CNTNAP5: variants seen among roughly 807,000 people sequenced by gnomAD.
CNTNAP5 encodes the protein contactin-associated protein-like 5.
Under a neutral mutation model 150.2 loss-of-function variants are expected in CNTNAP5, and 72 were observed. The ratio of observed to expected loss-of-function variants is 0.48; its 90% CI spans 0.40 to 0.58. The LOEUF is 0.58. Among genes scored for constraint, CNTNAP5 ranks in the 20% least tolerant of loss-of-function variants. The pLI is 0.00. For missense variants in CNTNAP5, 1,636 were observed against 1,626.2 expected, an observed-to-expected ratio of 1.01 and a Z score of -0.10; for synonymous variants, 672 against 619.8, an observed-to-expected ratio of 1.08 and a Z score of -1.25.
intron 19 of CNTNAP5, among the ~76,000 whole-genome samples, chr2:124,841,823 A>C (rs186497472): frequency 1.3e-5 from 2 of 152,274 alleles, no homozygotes; most frequent in Non-Finnish European, 1.5e-5. Flanking sequence ...TAATGTGAGC[A>C]TGAGCTCCTT....
intron 1 of CNTNAP5, among the ~76,000 whole-genome samples, chr2:124,145,841 A>G (rs4313981): frequency 2.2e-5 from 2 of 91,524 alleles, no homozygotes; most frequent in African/African-American, 3.9e-5. Flanking sequence ...AGAAAAAAAA[A>G]AAAAATAAAA....
intron 1 of CNTNAP5, among the ~76,000 whole-genome samples, chr2:124,175,387 T>C (rs1407941151): frequency 2.0e-5 from 3 of 152,236 alleles, no homozygotes; most frequent in Non-Finnish European, 2.9e-5. Flanking sequence ...ACTCTTTTAT[T>C]CCTTATAATT....
intron 1 of CNTNAP5, among the ~76,000 whole-genome samples, chr2:124,207,979 C>T: frequency 6.6e-6 from 1 of 152,128 alleles, no homozygotes; most frequent in East Asian, 1.9e-4. Context: ...GCTTAAGAAT[C>T]ACAATTGTAA....
chr2:124,811,036 T>A (rs922457772), intron 19 of CNTNAP5, among the ~76,000 whole-genome samples: 10 of 151,748 alleles, frequency 6.6e-5, no homozygotes, highest in Non-Finnish European at 1.3e-4. Context: ...CCTAGAAAAG[T>A]CTGCAAGTAA....
At chr2:124,572,684 G>A (rs377514095) in intron 11 of CNTNAP5, among the ~76,000 whole-genome samples, 7 of 152,240 alleles carry the variant, frequency 4.6e-5, no homozygotes, top group East Asian at 1.9e-4. Flanking sequence ...TGTAAGTGCC[G>A]TATGCTTTAC....
chr2:124,521,408 C>A (rs1230537876), intron 8 of CNTNAP5, among the ~76,000 whole-genome samples: 4 of 152,096 alleles, frequency 2.6e-5, no homozygotes, highest in Admixed American at 2.6e-4. Context: ...AGAAAACCAC[C>A]AACCAAGCAA....
At chr2:124,552,453 C>T (rs1695648776) in intron 10 of CNTNAP5, among the ~76,000 whole-genome samples, 1 of 152,200 alleles carries the variant, frequency 6.6e-6, no homozygotes, top group Admixed American at 6.5e-5. Flanking sequence ...ATTGCCCACG[C>T]TCAGATATCT....
chr2:124,758,486 A>T (rs1680888347), intron 14 of CNTNAP5, among the ~76,000 whole-genome samples: 1 of 151,992 alleles, frequency 6.6e-6, no homozygotes, highest in Non-Finnish European at 1.5e-5. Context: ...AGGCAAAAGT[A>T]AAATGTAAAA....
At chr2:124,587,558 C>T (rs1471774147) in intron 11 of CNTNAP5, among the ~76,000 whole-genome samples, 6 of 152,236 alleles carry the variant, frequency 3.9e-5, no homozygotes, top group Non-Finnish European at 8.8e-5. Context: ...TAAAAGATCT[C>T]TTATTGCCTC....
At chr2:124,904,852 G>GT (rs1678498021) in intron 22 of CNTNAP5, among the ~76,000 whole-genome samples, 1 of 151,478 alleles carries the variant, frequency 6.6e-6, no homozygotes, top group African/African-American at 2.4e-5. Flanking sequence ...CCAAAAGTAT[G>GT]ATCAACAAGA....
chr2:124,458,178 CAATT>C (rs1054947072), intron 6 of CNTNAP5, among the ~76,000 whole-genome samples: 19 of 119,998 alleles, frequency 1.6e-4, no homozygotes, highest in South Asian at 5.7e-4. Context: ...GCCCATCAAT[CAATT>C]AGTGGATAAA....
At position 124,919,067 on chromosome 2, in the gene CNTNAP5, A is replaced by C. The variant is rs72965821; in HGVS notation, c.*4779A>C. On this transcript the variant is annotated 3_prime_UTR_variant, in exon 24 of 24. Coordinates refer to ENST00000682447, the MANE Select transcript of CNTNAP5 (RefSeq NM_001367498.1). ...CTGCAGATTTTTATTGTCTCTAATT[A>C]TCAGCTCTGCCTTCACAAATTCCAA... Among the ~76,000 whole-genome samples the C allele has an allele frequency of 0.031, 4,733 of 152,080 alleles. 269 individuals are homozygous for C. The highest frequency in any genetic ancestry group is 0.11 in the African/African-American group (4,437 of 41,460).
In CNTNAP5 at chr2:124,821,235, G is replaced by A. The variant is rs913271862; in HGVS notation, c.3217+22915G>A. On this transcript the variant is annotated intron_variant, in intron 19 of 23. Transcript: ENST00000682447. ...TTACCGATAAGAAAAGAGAGGGACA[G>A]AAAACTAAGGAGAAAAAGAGCCTGA... Among the ~76,000 whole-genome samples, 3 of 152,332 alleles carry A rather than the reference G, an allele frequency of 2.0e-5. No homozygotes were observed. In the South Asian group the frequency reaches 6.2e-4, roughly 32 times the overall value.
At chr2:124,813,314 T>C (rs1682279279) in intron 19 of CNTNAP5, among the ~76,000 whole-genome samples, 1 of 152,034 alleles carries the variant, frequency 6.6e-6, no homozygotes, top group Non-Finnish European at 1.5e-5. Context: ...CCTGACCTCG[T>C]GATCCACCCA....
At chr2:124,104,519 G>GT (rs1025094408) in intron 1 of CNTNAP5, among the ~76,000 whole-genome samples, 15 of 152,032 alleles carry the variant, frequency 9.9e-5, no homozygotes, top group South Asian at 4.1e-4. Flanking sequence ...TTATGAAAAG[G>GT]TTTTTTTGTT....
At chr2:124,279,595 A>C (rs1487378421) in intron 3 of CNTNAP5, among the ~76,000 whole-genome samples, 1 of 152,154 alleles carries the variant, frequency 6.6e-6, no homozygotes. Flanking sequence ...GATTCTGATA[A>C]GTAAAGTTAG....
chr2:124,806,039 A>G (rs1310982148), intron 19 of CNTNAP5, among the ~76,000 whole-genome samples: 2 of 152,340 alleles, frequency 1.3e-5, no homozygotes, highest in East Asian at 3.9e-4. Flanking sequence ...ACAAACATTT[A>G]TTCTATAATA....
chr2:124,432,233 T>C lies in CNTNAP5; in HGVS notation c.530-2251T>C, dbSNP rs146425590. 2.3e-3 allele frequency among the ~76,000 whole-genome samples: 343 copies of C among 152,286 alleles called. 1 individual carries two copies. Among genetic ancestry groups the C allele is most frequent in the African/African-American group, 7.7e-3 (321 of 41,578 alleles). ...AATAATGATGGAATTGAGTTACTGC[T>C]TCAAAGACACCATGTGTGGTATGTC... On this transcript the variant is annotated intron_variant, in intron 4 of 23. Coordinates refer to ENST00000682447, the MANE Select transcript of CNTNAP5 (RefSeq NM_001367498.1).
At chr2:124,432,216 T>C (rs1473054801) in intron 4 of CNTNAP5, among the ~76,000 whole-genome samples, 1 of 152,194 alleles carries the variant, frequency 6.6e-6, no homozygotes, top group Non-Finnish European at 1.5e-5. Flanking sequence ...TGAATAATGA[T>C]GGAATTGAGT....
Sources: gnomAD v4.1 joint callset for allele counts (sites outside exome capture counted in the v4.1 genomes callset) on GRCh38, gnomAD v4.1.1 for gene constraint, MANE v1.5 for transcripts, NCBI Gene and HGNC (gene_info 2026-07-23, HGNC 2026-07-21) for gene names.